Variants in LHX6 observed in about 807,000 individuals in gnomAD.
LHX6 encodes the protein LIM homeobox 6.
In LHX6, 15 loss-of-function variants were observed where a neutral mutation model predicts 47.1. The observed-to-expected ratio is 0.32, with a 90% CI of 0.21 to 0.49. The LOEUF (loss-of-function observed/expected upper bound fraction) is 0.49. Ranked by LOEUF, LHX6 falls within the 20% of genes least tolerant of loss-of-function variation. The probability of loss-of-function intolerance (pLI) is 0.99; values close to 1 mark genes in which losing one functional copy is unlikely to be tolerated. For missense variants in LHX6, 404 were observed against 539.6 expected, an observed-to-expected ratio of 0.75 and a Z score of 2.49; for synonymous variants, 242 against 233.5, an observed-to-expected ratio of 1.04 and a Z score of -0.33.
rs748139868 is a variant in LHX6 at position 122,204,753 on chromosome 9, G to A, written c.*7C>T. 11 of 1,599,004 alleles carry A rather than the reference G, an allele frequency of 6.9e-6. No homozygotes were observed. The highest frequency in any genetic ancestry group is 5.7e-5 in the South Asian group (5 of 88,058). ...GCCCACGGGCAGATGCGGAAGTGCC[G>A]GCAGCGTTAGTACTGAAAAAGGATG... On this transcript the variant is annotated 3_prime_UTR_variant, in exon 10 of 10. Coordinates refer to ENST00000394319, the MANE Select transcript of LHX6 (RefSeq NM_014368.5).
At chr9:122,207,632 A>G (rs1315058605) in intron 9 of LHX6, among the ~76,000 whole-genome samples, 1 of 152,112 alleles carries the variant, frequency 6.6e-6, no homozygotes, top group Non-Finnish European at 1.5e-5. Context: ...TACGTTAGGC[A>G]CTACCATTTA....
chr9:122,223,392 G>C (rs964295250), intron 4 of LHX6, among the ~76,000 whole-genome samples: 8 of 152,168 alleles, frequency 5.3e-5, no homozygotes, highest in African/African-American at 1.9e-4. Context: ...CTCCAGGCAG[G>C]CTCTGCTCCT....
chr9:122,222,872 C>T (rs761089711), intron 4 of LHX6, among the ~76,000 whole-genome samples: 1 of 152,238 alleles, frequency 6.6e-6, no homozygotes, highest in Non-Finnish European at 1.5e-5. Flanking sequence ...CTCCCCCTTG[C>T]CCCGTTGGGA....
intron 2 of LHX6, 76 bp downstream of exon 2, chr9:122,227,333 C>A (rs1394443099): frequency 1.5e-6 from 2 of 1,354,552 alleles, no homozygotes; most frequent in Non-Finnish European, 1.9e-6. Context: ...CAGTTCGTGG[C>A]CGGAAAACCT....
chr9:122,219,754 G>A (rs191823022), intron 4 of LHX6, among the ~76,000 whole-genome samples: 16 of 152,266 alleles, frequency 1.1e-4, no homozygotes, highest in Admixed American at 2.0e-4. Context: ...ACTCCACAGG[G>A]TATGAGGCTG....
chr9:122,217,150 C>T lies in LHX6; in HGVS notation c.600G>A (p.Glu200=), dbSNP rs1830624662. ...GCACCTTCTCCTCGACCAGGCCGAA[C>T]TCCTCACCAGTGGACAGCTGGCGCT... The part of the protein sequence containing the change: ...SCKRQLSTGE[E]FGLVEEKVLC... Residue 200 remains glutamate, a synonymous_variant, in exon 5 of 10, where the codon GAG becomes GAA. Transcript: ENST00000394319. This position sits in a 1 kb window ranked among gnomAD's most constrained non-coding sequence, Gnocchi z 4.9. 1 of 1,614,140 alleles carries T rather than the reference C, an allele frequency of 6.2e-7. No homozygotes were observed. Among genetic ancestry groups the T allele is most frequent in the South Asian group, 1.1e-5 (1 of 91,096 alleles).
At chr9:122,206,480 G>C (rs1830185546) in intron 9 of LHX6, among the ~76,000 whole-genome samples, 1 of 152,214 alleles carries the variant, frequency 6.6e-6, no homozygotes, top group Non-Finnish European at 1.5e-5. Context: ...GACAGTGAGA[G>C]GACAGAAGGT....
chr9:122,212,706 T>C (rs1830441315), intron 8 of LHX6, among the ~76,000 whole-genome samples: 1 of 152,158 alleles, frequency 6.6e-6, no homozygotes, highest in Admixed American at 6.5e-5. Context: ...ATGACCCGCT[T>C]GCCCCTGCAT....
intron 4 of LHX6, among the ~76,000 whole-genome samples, chr9:122,223,379 T>C (rs2118902139): frequency 6.6e-6 from 1 of 152,276 alleles, no homozygotes; most frequent in Non-Finnish European, 1.5e-5. Flanking sequence ...CCCAGTCCCA[T>C]CCCTCCAGGC....
intron 9 of LHX6, among the ~76,000 whole-genome samples, chr9:122,206,276 G>A (rs1413477606): frequency 6.6e-6 from 1 of 152,204 alleles, no homozygotes; most frequent in East Asian, 1.9e-4. Context: ...GTCTAGATGA[G>A]TGGGTTCAGG....
chr9:122,207,652 G>A (rs2118825565), intron 9 of LHX6, among the ~76,000 whole-genome samples: 1 of 152,232 alleles, frequency 6.6e-6, no homozygotes, highest in East Asian at 1.9e-4. Context: ...ATTTACAAAT[G>A]TATCTGTCCA....
At chr9:122,206,848 C>T (rs1170539079) in intron 9 of LHX6, among the ~76,000 whole-genome samples, 1 of 152,180 alleles carries the variant, frequency 6.6e-6, no homozygotes, top group East Asian at 1.9e-4. Flanking sequence ...CTGAACGTCC[C>T]CCAGGGTCCC....
At chr9:122,207,008 C>T (rs1000516422) in intron 9 of LHX6, among the ~76,000 whole-genome samples, 6 of 152,180 alleles carry the variant, frequency 3.9e-5, no homozygotes, top group Admixed American at 2.6e-4. Flanking sequence ...CCTACTCCAG[C>T]TGCCCATTCC....
At position 122,204,429 on chromosome 9, in the gene LHX6, C is replaced by T; in HGVS notation, c.*331G>A. ...AAATGAGAAGGCCGTTGGCATCGCA[C>T]AATTCAATTCCGCCTTTTGTTATTG... is the stretch of plus-strand genomic sequence containing the variant. On this transcript the variant is annotated 3_prime_UTR_variant, in exon 10 of 10. Coordinates refer to ENST00000394319, the MANE Select transcript of LHX6 (RefSeq NM_014368.5). 2.6e-6 allele frequency: 1 copy of T among 380,984 alleles called. No homozygotes were observed. Among genetic ancestry groups the T allele is most frequent in the Non-Finnish European group, 4.7e-6 (1 of 214,678 alleles). 23.6% of individuals were successfully genotyped at this position (380,984 alleles called of 1,614,324 possible). A position where few individuals can be genotyped will look rare whatever the true frequency, so the allele number is the denominator to read the frequency against.
At chr9:122,221,659 T>A (rs1188291266) in intron 4 of LHX6, 3 of 985,304 alleles carry the variant, frequency 3.0e-6, no homozygotes, top group Non-Finnish European at 3.6e-6. Context: ...AGTGACCTGA[T>A]ATTGACAAAG....
chr9:122,217,395 C>G lies in LHX6; in HGVS notation c.462-107G>C. On this transcript the variant is annotated intron_variant, in intron 4 of 9. Coordinates refer to ENST00000394319, the MANE Select transcript of LHX6 (RefSeq NM_014368.5). This position sits in a 1 kb window ranked among gnomAD's most constrained non-coding sequence, Gnocchi z 4.9. ...GCCCCCAGGCTCCTGGCCTCTAAGT[C>G]TTCAACTCAGGCATTAGCCTTAGCT... 1 of 847,080 alleles carries G rather than the reference C, an allele frequency of 1.2e-6. No individual in the cohort carries two copies. The highest frequency in any genetic ancestry group is 1.8e-6 in the Non-Finnish European group (1 of 544,170). 52.5% of individuals were successfully genotyped at this position (847,080 alleles called of 1,614,324 possible). A position where few individuals can be genotyped will look rare whatever the true frequency, so the allele number is the denominator to read the frequency against.
intron 4 of LHX6, among the ~76,000 whole-genome samples, chr9:122,225,816 C>T (rs552847350): frequency 2.6e-5 from 4 of 152,294 alleles, no homozygotes; most frequent in Admixed American, 6.5e-5. Flanking sequence ...GGTATGGGAT[C>T]GGATCTGAGA....
chr9:122,213,888 G>A lies in LHX6; in HGVS notation c.879+86C>T, dbSNP rs781637715. On this transcript the variant is annotated intron_variant, in intron 7 of 9. Coordinates refer to ENST00000394319, the MANE Select transcript of LHX6 (RefSeq NM_014368.5). The surrounding 1 kb of genome is among the most constrained non-coding windows in gnomAD (Gnocchi z 5.5). ...TCGCCTCCTGGAGAAGGATGGCCAC[G>A]TGCACGCACCACCCTCCGCGCCGAG... 3.1e-5 allele frequency: 47 copies of A among 1,516,284 alleles called. No homozygotes were observed. In the African/African-American group the frequency reaches 5.4e-4, roughly 18 times the overall value. The allele number at this position is 1,516,284 out of a possible 1,614,324, so 93.9% of individuals were successfully genotyped here.
chr9:122,206,214 G>A (rs1443962243), intron 9 of LHX6, among the ~76,000 whole-genome samples: 2 of 152,192 alleles, frequency 1.3e-5, no homozygotes, highest in African/African-American at 4.8e-5. Flanking sequence ...TGGAGGCAGG[G>A]GATGCTCCCC....
Sources: gnomAD v4.1 joint callset for allele counts (sites outside exome capture counted in the v4.1 genomes callset) on GRCh38, gnomAD v4.1.1 for gene constraint, Gnocchi (gnomAD v3.1) non-coding constraint, MANE v1.5 for transcripts, NCBI Gene and HGNC (gene_info 2026-07-23, HGNC 2026-07-21) for gene names.